Variants in GLS observed in about 807,000 individuals in gnomAD.
The protein encoded by GLS is glutaminase kidney isoform, mitochondrial.
GLS carries 36 observed loss-of-function variants against 86.7 expected under a neutral mutation model. The ratio of observed to expected loss-of-function variants is 0.42; its 90% CI spans 0.32 to 0.55. The LOEUF is 0.55. GLS is among the 20% of genes least tolerant of loss of function. The probability of loss-of-function intolerance (pLI) is 0.17; values close to 1 mark genes in which losing one functional copy is unlikely to be tolerated. For missense variants in GLS, 528 were observed against 833.4 expected (o/e 0.63, Z 4.51); for synonymous variants, 317 against 305.9 (o/e 1.04, Z -0.38).
At chr2:190,912,888 C>T (rs781551323) in intron 7 of GLS, among the ~76,000 whole-genome samples, 2 of 152,142 alleles carry the variant, frequency 1.3e-5, no homozygotes, top group Non-Finnish European at 2.9e-5. Flanking sequence ...GCAAGTGTTA[C>T]GTAGTCATTC....
chr2:190,900,484 G>A (rs1688901645), intron 3 of GLS, 80 bp from the exon 4 acceptor site: 2 of 664,242 alleles, frequency 3.0e-6, no homozygotes. Flanking sequence ...TTTAAATAGT[G>A]TCCTAATTAT....
chr2:190,922,856 C>T lies in GLS; in HGVS notation c.1131-1061C>T, dbSNP rs188379198. 3.0e-3 allele frequency among the ~76,000 whole-genome samples: 456 copies of T among 152,154 alleles called. 8 individuals are homozygous for T. Among genetic ancestry groups the T allele is most frequent in the African/African-American group, 0.01 (425 of 41,506 alleles). On this transcript the variant is annotated intron_variant, in intron 9 of 17. Coordinates refer to ENST00000320717, the MANE Select transcript of GLS (RefSeq NM_014905.5). ...CTTGTAGGGCAATTCTCAAATATAC[C>T]GCAAATTAAATCTGTCTAAATCAAA...
chr2:190,892,717 C>A (rs1688605524), intron 1 of GLS, among the ~76,000 whole-genome samples: 1 of 152,108 alleles, frequency 6.6e-6, no homozygotes, highest in Admixed American at 6.5e-5. Context: ...GAAGCGAATT[C>A]ATTCTCAGAT....
In GLS at chr2:190,900,586, T is replaced by C; in HGVS notation, c.628T>C (p.Leu210=). The C allele has an allele frequency of 6.2e-7, 1 of 1,601,430 alleles. No individual in the cohort carries two copies. Among genetic ancestry groups the C allele is most frequent in the East Asian group, 2.2e-5 (1 of 44,646 alleles). ...FKKCVQSNIV[L]LTQAFRRKFV... ...CAGATGTGTTCAGAGCAACATTGTT[T>C]TGTTGACACAAGCATTTAGAAGAAA... Residue 210 remains leucine, a synonymous_variant, in exon 4 of 18, where the codon TTG becomes CTG. Transcript: ENST00000320717.
intron 14 of GLS, chr2:190,932,861 A>T (rs780451699): frequency 6.6e-7 from 1 of 1,511,568 alleles, no homozygotes; most frequent in East Asian, 2.5e-5. Flanking sequence ...GAGAAAAGCT[A>T]AAGAAATGGG....
rs1689822570 is a variant in GLS at position 190,923,906 on chromosome 2, T to TC, written c.1131-10dup. The stretch of plus-strand genomic sequence containing the variant: ...AGTACATAGAGCAAATGTTTTTTTT[T>TC]CTTCTTCCAGGTTTCAGTCTGAAAG... On this transcript the variant is annotated splice_polypyrimidine_tract_variant and intron_variant, in intron 9 of 17. Transcript: ENST00000320717. The TC allele has an allele frequency of 6.5e-7, 1 of 1,530,882 alleles. No homozygotes were observed. The highest frequency in any genetic ancestry group is 9.0e-7 in the Non-Finnish European group (1 of 1,113,196). 94.8% of individuals were successfully genotyped at this position (1,530,882 alleles called of 1,614,324 possible). A position where few individuals can be genotyped will look rare whatever the true frequency, so the allele number is the denominator to read the frequency against.
At position 190,920,125 on chromosome 2, in the gene GLS, T is replaced by C. The variant is rs1356924137; in HGVS notation, c.1039-899T>C. ...AAATATGTTTTAAAAACTTTAGTTG[T>C]CAAATTATTTTATTTTAAGCCTATT... On this transcript the variant is annotated intron_variant, in intron 7 of 17. Coordinates refer to ENST00000320717, the MANE Select transcript of GLS (RefSeq NM_014905.5). The surrounding 1 kb of genome is among the most constrained non-coding windows in gnomAD (Gnocchi z 4.2). 1 of 151,944 alleles carries C rather than the reference T, an allele frequency of 6.6e-6. No individual in the cohort carries two copies. Among genetic ancestry groups the C allele is most frequent in the Admixed American group, 6.6e-5 (1 of 15,258 alleles). 9.4% of individuals were successfully genotyped at this position (151,944 alleles called of 1,614,324 possible). A position where few individuals can be genotyped will look rare whatever the true frequency, so the allele number is the denominator to read the frequency against.
chr2:190,962,640 AC>A lies in GLS; in HGVS notation c.1854-189del, dbSNP rs955450365. Among the ~76,000 whole-genome samples the A allele has an allele frequency of 6.6e-5, 10 of 152,076 alleles. No homozygotes were observed. The highest frequency in any genetic ancestry group is 2.4e-4 in the African/African-American group (10 of 41,412). On this transcript the variant is annotated intron_variant, in intron 17 of 17. Coordinates refer to ENST00000320717, the MANE Select transcript of GLS (RefSeq NM_014905.5). This position sits in a 1 kb window ranked among gnomAD's most constrained non-coding sequence, Gnocchi z 4.2. ...TTTTTCTCTTCCTCTCCATATCCCA[AC>A]TTGTCTTGGAGACTACTTTTTGAAT...
intron 11 of GLS, among the ~76,000 whole-genome samples, chr2:190,925,450 T>C (rs1461628333): frequency 6.6e-6 from 1 of 152,234 alleles, no homozygotes; most frequent in South Asian, 2.1e-4. Context: ...TGGGCTATGG[T>C]ATAGAACTCA....
chr2:190,912,606 TCTTA>T (rs1689400762), intron 7 of GLS, among the ~76,000 whole-genome samples: 1 of 152,142 alleles, frequency 6.6e-6, no homozygotes, highest in South Asian at 2.1e-4. Context: ...AACCCAGTTC[TCTTA>T]CTTTATATAA....
In GLS at chr2:190,881,030, C is replaced by T; in HGVS notation, c.-55C>T. On this transcript the variant is annotated 5_prime_UTR_variant, in exon 1 of 18. Coordinates refer to ENST00000320717, the MANE Select transcript of GLS (RefSeq NM_014905.5). ...GACCGCGTTCCCCGAGGAAACCGGCCGCCCACGCCCGGAGCATCCTCCCCT... is the reference window on the plus strand; with the variant it reads ...GACCGCGTTCCCCGAGGAAACCGGCTGCCCACGCCCGGAGCATCCTCCCCT... 1 of 1,516,938 alleles carries T rather than the reference C, an allele frequency of 6.6e-7. No individual in the cohort carries two copies. The highest frequency in any genetic ancestry group is 8.8e-7 in the Non-Finnish European group (1 of 1,135,468). 94.0% of individuals were successfully genotyped at this position (1,516,938 alleles called of 1,614,324 possible).
chr2:190,881,482 C>A lies in GLS; in HGVS notation c.386+12C>A. On this transcript the variant is annotated intron_variant, in intron 1 of 17. Coordinates refer to ENST00000320717, the MANE Select transcript of GLS (RefSeq NM_014905.5). ...GCCTCAGGTGAAAAGTGAGTGTCTC[C>A]GCGAGGCGCAGGAGGCCTCGTTCCT... 1 of 1,536,752 alleles carries A rather than the reference C, an allele frequency of 6.5e-7. No individual in the cohort carries two copies. Among genetic ancestry groups the A allele is most frequent in the Non-Finnish European group, 8.8e-7 (1 of 1,140,648 alleles).
In GLS at chr2:190,900,125, A is replaced by G. The variant is rs1341241542; in HGVS notation, c.606-439A>G. ...ATAATGCAAAATGTTTAATTTTTGAATGAAATGCTAGTAATAGTTATATAA... is the reference window on the plus strand; with the variant it reads ...ATAATGCAAAATGTTTAATTTTTGAGTGAAATGCTAGTAATAGTTATATAA... On this transcript the variant is annotated intron_variant, in intron 3 of 17. Coordinates refer to ENST00000320717, the MANE Select transcript of GLS (RefSeq NM_014905.5). Among the ~76,000 whole-genome samples the G allele has an allele frequency of 2.6e-5, 4 of 152,326 alleles. No individual in the cohort carries two copies. In the East Asian group the frequency reaches 7.7e-4, roughly 29 times the overall value.
At chr2:190,960,345 TTTA>T (rs1690968842) in intron 17 of GLS, among the ~76,000 whole-genome samples, 2 of 150,438 alleles carry the variant, frequency 1.3e-5, no homozygotes, top group Non-Finnish European at 2.9e-5. Context: ...TGTGTTTCTG[TTTA>T]TTAAGCTTCA....
At chr2:190,929,380 A>G (rs1690024948) in intron 12 of GLS, among the ~76,000 whole-genome samples, 1 of 152,166 alleles carries the variant, frequency 6.6e-6, no homozygotes, top group Non-Finnish European at 1.5e-5. Flanking sequence ...AAAAGCATCC[A>G]TAGCCTCACA....
At position 190,954,849 on chromosome 2, in the gene GLS, C is replaced by T. The variant is rs1690819823; in HGVS notation, c.1853+31C>T. 2.2e-6 allele frequency: 3 copies of T among 1,395,282 alleles called. No homozygotes were observed. The highest frequency in any genetic ancestry group is 3.0e-6 in the Non-Finnish European group (3 of 997,818). 86.4% of individuals were successfully genotyped at this position (1,395,282 alleles called of 1,614,324 possible). A position where few individuals can be genotyped will look rare whatever the true frequency, so the allele number is the denominator to read the frequency against. On this transcript the variant is annotated intron_variant, in intron 17 of 17. Coordinates refer to ENST00000320717, the MANE Select transcript of GLS (RefSeq NM_014905.5). The surrounding 1 kb of genome is among the most constrained non-coding windows in gnomAD (Gnocchi z 4.0). ...CACTTATGTTACCTTCTAAATATGT[C>T]AGTATTTTATTATGCAGGACTGTAA...
intron 6 of GLS, 53 bp from the exon 7 acceptor site, chr2:190,910,210 T>C (rs1689308733): frequency 2.9e-6 from 3 of 1,042,806 alleles, no homozygotes; most frequent in South Asian, 1.4e-5. Context: ...TATAGTAATA[T>C]TACTCAAGTG....
At position 190,956,385 on chromosome 2, in the gene GLS, C is replaced by T. The variant is rs574198531; in HGVS notation, c.1853+1567C>T. Among the ~76,000 whole-genome samples the T allele has an allele frequency of 1.6e-4, 24 of 152,160 alleles. 1 individual carries two copies. The East Asian group carries it at 4.1e-3, about 26-fold the overall frequency. ...ACCTTTCCCCATTGCTTGTTTTTGT[C>T]AGGTTTGTCAAAGATCAGATGGTTG... is the stretch of plus-strand genomic sequence containing the variant. On this transcript the variant is annotated intron_variant, in intron 17 of 17. Transcript: ENST00000320717. This position sits in a 1 kb window ranked among gnomAD's most constrained non-coding sequence, Gnocchi z 4.2.
chr2:190,938,971 G>A lies in GLS; in HGVS notation c.1650+7334G>A, dbSNP rs1690350167. Among the ~76,000 whole-genome samples the A allele has an allele frequency of 1.3e-5, 2 of 151,608 alleles. No individual in the cohort carries two copies. Among genetic ancestry groups the A allele is most frequent in the Non-Finnish European group, 3.0e-5 (2 of 67,632 alleles). Reference sequence around the variant, plus strand: ...TCTAAAAATAAATGTTACATCACTGGCTTTTTAAAATAAATTCCTTTGAGG... The same window carrying A: ...TCTAAAAATAAATGTTACATCACTGACTTTTTAAAATAAATTCCTTTGAGG... On this transcript the variant is annotated intron_variant, in intron 14 of 17. Coordinates refer to ENST00000320717, the MANE Select transcript of GLS (RefSeq NM_014905.5). This position sits in a 1 kb window ranked among gnomAD's most constrained non-coding sequence, Gnocchi z 4.1.
Sources: gnomAD v4.1 joint callset for allele counts (sites outside exome capture counted in the v4.1 genomes callset) on GRCh38, gnomAD v4.1.1 for gene constraint, Gnocchi (gnomAD v3.1) non-coding constraint, MANE v1.5 for transcripts, NCBI Gene and HGNC (gene_info 2026-07-23, HGNC 2026-07-21) for gene names.